The following NT5C2 variants were observed in gnomAD, a reference collection of about 807,000 sequenced individuals.
NT5C2 encodes 5'-nucleotidase, cytosolic II.
In NT5C2, 58 loss-of-function variants were observed where a neutral mutation model predicts 76.1. The observed-to-expected ratio is 0.76, with a 90% CI of 0.62 to 0.95. The LOEUF is 0.95. NT5C2 is among the 40% of genes least tolerant of loss of function. The pLI, the probability that NT5C2 is intolerant of heterozygous loss-of-function variation, is 0.00. For missense variants in NT5C2, 478 were observed against 690.3 expected, an observed-to-expected ratio of 0.69 and a Z score of 3.45; for synonymous variants, 229 against 237.4, an observed-to-expected ratio of 0.96 and a Z score of 0.32.
chr10:103,112,092 C>G (rs552578943), intron 4 of NT5C2, among the ~76,000 whole-genome samples: 1 of 152,074 alleles, frequency 6.6e-6, no homozygotes, highest in Non-Finnish European at 1.5e-5. Context: ...AATGTTAAGT[C>G]GAAAGACAAA....
At chr10:103,146,586 G>C in intron 3 of NT5C2, 1 of 328,954 alleles carries the variant, frequency 3.0e-6, no homozygotes, top group Non-Finnish European at 4.3e-6. Context: ...CTATAATGTG[G>C]ATTTTTTGTT....
intron 10 of NT5C2, chr10:103,097,976 A>C (rs2134936796): frequency 2.0e-6 from 1 of 512,356 alleles, no homozygotes; most frequent in East Asian, 5.8e-5. Context: ...CTCCCCATTC[A>C]GTGTTCTTTC....
intron 4 of NT5C2, among the ~76,000 whole-genome samples, chr10:103,126,897 A>C (rs527659255): frequency 6.6e-6 from 1 of 152,242 alleles, no homozygotes; most frequent in South Asian, 2.1e-4. Flanking sequence ...CTGAAACCTC[A>C]AACTCCTGGG....
intron 3 of NT5C2, among the ~76,000 whole-genome samples, chr10:103,163,187 T>A (rs2085365365): frequency 6.6e-6 from 1 of 152,278 alleles, no homozygotes; most frequent in South Asian, 2.1e-4. Flanking sequence ...TGTATGTACC[T>A]GCTGAAGAAC....
intron 3 of NT5C2, among the ~76,000 whole-genome samples, chr10:103,148,014 A>G (rs1024551374): frequency 6.6e-6 from 1 of 152,230 alleles, no homozygotes; most frequent in African/African-American, 2.4e-5. Flanking sequence ...AAAAAGTAAT[A>G]GGAAGACCTC....
intron 3 of NT5C2, among the ~76,000 whole-genome samples, chr10:103,170,103 G>C (rs2087502308): frequency 6.6e-6 from 1 of 151,986 alleles, no homozygotes; most frequent in Non-Finnish European, 1.5e-5. Context: ...CCCCAACCTG[G>C]GCTACAGAGC....
intron 4 of NT5C2, among the ~76,000 whole-genome samples, chr10:103,133,750 G>C (rs774619421): frequency 4.6e-5 from 7 of 152,228 alleles, no homozygotes; most frequent in East Asian, 1.9e-4. Context: ...CAGAAGAAGA[G>C]AGAAAAATGT....
chr10:103,113,482 C>T (rs556013616), intron 4 of NT5C2, among the ~76,000 whole-genome samples: 8 of 151,060 alleles, frequency 5.3e-5, no homozygotes, highest in Non-Finnish European at 1.2e-4. Context: ...AATACAAAAA[C>T]AGAAATAGCT....
chr10:103,093,666 C>T (rs2067454100), intron 14 of NT5C2: 1 of 395,334 alleles, frequency 2.5e-6, no homozygotes, highest in Non-Finnish European at 4.5e-6. Flanking sequence ...CCATGGAACT[C>T]CTTGAGAAAC....
rs1354977903 is a variant in NT5C2, at chr10:103,100,528, G to C, written c.540-509C>G. The C allele has an allele frequency of 7.9e-6, 3 of 380,422 alleles. No individual in the cohort carries two copies. The Admixed American group carries it at 9.6e-5, about 12-fold the overall frequency. The allele number at this position is 380,422 out of a possible 1,614,324, so 23.6% of individuals were successfully genotyped here. Reference sequence around the variant, plus strand: ...TGGTATATAGATGGCTAAACTTTCAGTATTGGCTATATAATTCTCCCTAAA... The same window carrying C: ...TGGTATATAGATGGCTAAACTTTCACTATTGGCTATATAATTCTCCCTAAA... On this transcript the variant is annotated intron_variant, in intron 8 of 18. Transcript: ENST00000404739.
intron 3 of NT5C2, among the ~76,000 whole-genome samples, chr10:103,143,235 C>T (rs1234061177): frequency 6.6e-6 from 1 of 152,008 alleles, no homozygotes; most frequent in Non-Finnish European, 1.5e-5. Flanking sequence ...AAATCACAAT[C>T]ACCTGAGTAA....
chr10:103,100,678 C>T (rs1260739191), intron 8 of NT5C2: 1 of 483,708 alleles, frequency 2.1e-6, no homozygotes, highest in East Asian at 6.0e-5. Context: ...CTGAATGGCT[C>T]CTGGGTAGCT....
intron 3 of NT5C2, among the ~76,000 whole-genome samples, chr10:103,144,765 G>A (rs978662800): frequency 6.6e-6 from 1 of 152,116 alleles, no homozygotes; most frequent in Non-Finnish European, 1.5e-5. Context: ...TGTCATATAA[G>A]CTGTTCTTTA....
At chr10:103,104,118 T>TTATA (rs1442086688) in intron 6 of NT5C2, among the ~76,000 whole-genome samples, 44 of 152,372 alleles carry the variant, frequency 2.9e-4, no homozygotes, top group Admixed American at 6.5e-4. Flanking sequence ...AGTGCTGAGA[T>TTATA]TATAGGCGTA....
intron 1 of NT5C2, among the ~76,000 whole-genome samples, chr10:103,191,506 C>T (rs1394873213): frequency 6.6e-6 from 1 of 152,004 alleles, no homozygotes; most frequent in Non-Finnish European, 1.5e-5. Flanking sequence ...CACCTCTGTG[C>T]CTAACATTCT....
intron 3 of NT5C2, among the ~76,000 whole-genome samples, chr10:103,155,068 G>C (rs951165876): frequency 2.9e-4 from 44 of 152,162 alleles, no homozygotes; most frequent in Admixed American, 1.7e-3. Flanking sequence ...AAGATGATTA[G>C]CTCTTTCAAA....
chr10:103,137,946 T>C (rs1361260916), intron 4 of NT5C2, among the ~76,000 whole-genome samples: 1 of 152,276 alleles, frequency 6.6e-6, no homozygotes, highest in African/African-American at 2.4e-5. Context: ...GGTTGGTTAG[T>C]TGGTTTCAGA....
intron 4 of NT5C2, among the ~76,000 whole-genome samples, chr10:103,116,129 T>TA (rs543105312): frequency 5.9e-5 from 9 of 152,230 alleles, no homozygotes; most frequent in East Asian, 3.9e-4. Context: ...AATGCCTTTT[T>TA]AAAAAAACCA....
intron 4 of NT5C2, among the ~76,000 whole-genome samples, chr10:103,122,559 G>C (rs1046378016): frequency 2.4e-4 from 37 of 152,234 alleles, no homozygotes; most frequent in African/African-American, 7.9e-4. Context: ...GTTACTGATA[G>C]GATTTAGGAC....
Sources: gnomAD v4.1 joint callset for allele counts (sites outside exome capture counted in the v4.1 genomes callset) on GRCh38, gnomAD v4.1.1 for gene constraint, MANE v1.5 for transcripts, NCBI Gene and HGNC (gene_info 2026-07-23, HGNC 2026-07-21) for gene names.